PREX1: variants seen among roughly 807,000 people sequenced by gnomAD.
The protein encoded by PREX1 is phosphatidylinositol-3,4,5-trisphosphate dependent Rac exchange factor 1.
Under a neutral mutation model 198.3 loss-of-function variants are expected in PREX1, and 41 were observed. The ratio of observed to expected loss-of-function variants is 0.21; its 90% confidence interval spans 0.16 to 0.27. PREX1 has a LOEUF of 0.27. Among genes scored for constraint, PREX1 ranks in the 10% least tolerant of loss-of-function variants. The pLI, the probability that PREX1 is intolerant of heterozygous loss-of-function variation, is 1.00. For synonymous variants in PREX1, 843 were observed against 887.2 expected (o/e 0.95, Z 0.89); for missense variants, 1,620 against 2,200.7 (o/e 0.74, Z 5.28).
At chr20:48,841,673 A>G in the PREX1 span, among the ~76,000 whole-genome samples, 1 of 152,286 alleles carries the variant, frequency 6.6e-6, no homozygotes, top group East Asian at 1.9e-4. Flanking sequence ...TCAATGAACA[A>G]CCCAGGCAGA....
At chr20:48,769,521 G>C (rs182562037) in intron 1 of PREX1, among the ~76,000 whole-genome samples, 2 of 152,280 alleles carry the variant, frequency 1.3e-5, no homozygotes, top group Admixed American at 1.3e-4. Flanking sequence ...TCCAACAGAG[G>C]CTGCGCTATC....
At chr20:48,788,933 C>G (rs2090325198) in intron 1 of PREX1, among the ~76,000 whole-genome samples, 1 of 152,182 alleles carries the variant, frequency 6.6e-6, no homozygotes, top group Non-Finnish European at 1.5e-5. Context: ...TGCCTCGAGT[C>G]TCTTTAGAAC....
At chr20:48,751,750 C>T (rs1375339504) in intron 1 of PREX1, among the ~76,000 whole-genome samples, 7 of 152,222 alleles carry the variant, frequency 4.6e-5, no homozygotes, top group Non-Finnish European at 7.3e-5. Flanking sequence ...CTGAGAAACT[C>T]CTCCAGCCTC....
At chr20:48,807,296 C>A (rs141048228) in intron 1 of PREX1, among the ~76,000 whole-genome samples, 2 of 152,148 alleles carry the variant, frequency 1.3e-5, no homozygotes, top group African/African-American at 4.8e-5. Context: ...ATTGAGAGAG[C>A]CTTTTTTGTG....
the PREX1 span, among the ~76,000 whole-genome samples, chr20:48,878,126 A>C: frequency 6.6e-6 from 1 of 151,942 alleles, no homozygotes; most frequent in Non-Finnish European, 1.5e-5. Context: ...AAAAAAGCCC[A>C]AGTTCTTACA....
At chr20:48,770,704 C>A (rs1284451885) in intron 1 of PREX1, among the ~76,000 whole-genome samples, 2 of 151,162 alleles carry the variant, frequency 1.3e-5, no homozygotes, top group Non-Finnish European at 3.0e-5. Context: ...AGTGAATCTC[C>A]ATCTCAAAAA....
intron 5 of PREX1, among the ~76,000 whole-genome samples, chr20:48,719,170 G>C (rs937404346): frequency 2.0e-5 from 3 of 152,182 alleles, no homozygotes; most frequent in African/African-American, 7.2e-5. Context: ...TTGGACTTCC[G>C]AATTCACTCT....
chr20:48,709,718 GA>G (rs1378843488), intron 5 of PREX1, among the ~76,000 whole-genome samples: 1 of 152,134 alleles, frequency 6.6e-6, no homozygotes, highest in African/African-American at 2.4e-5. Context: ...GGTACTGTAG[GA>G]AAAGCACCAA....
chr20:48,714,743 T>C (rs1488761784), intron 5 of PREX1, among the ~76,000 whole-genome samples: 1 of 152,246 alleles, frequency 6.6e-6, no homozygotes, highest in Non-Finnish European at 1.5e-5. Flanking sequence ...TGAAGCCATC[T>C]ATCCATGGCT....
the PREX1 span, among the ~76,000 whole-genome samples, chr20:48,888,103 T>C: frequency 6.6e-6 from 1 of 152,186 alleles, no homozygotes; most frequent in Non-Finnish European, 1.5e-5. Context: ...GACTTACAGT[T>C]CCACATGTCT....
intron 11 of PREX1, among the ~76,000 whole-genome samples, chr20:48,680,808 T>C (rs1413104672): frequency 6.6e-6 from 1 of 152,220 alleles, no homozygotes; most frequent in African/African-American, 2.4e-5. Context: ...CATGTTTTAC[T>C]ATCTTGCTTT....
chr20:48,760,048 G>T (rs957126089), intron 1 of PREX1, among the ~76,000 whole-genome samples: 9 of 151,808 alleles, frequency 5.9e-5, no homozygotes, highest in African/African-American at 2.2e-4. Context: ...GGAGGCAGAG[G>T]TTGCAGTGAG....
chr20:48,884,995 C>G, the PREX1 span, among the ~76,000 whole-genome samples: 1 of 152,154 alleles, frequency 6.6e-6, no homozygotes, highest in African/African-American at 2.4e-5. Flanking sequence ...GTGTTGGACC[C>G]CCAGGTCCAT....
chr20:48,637,935 CT>C (rs2089378024), intron 30 of PREX1, among the ~76,000 whole-genome samples, 183 bp from the exon 31 acceptor site: 1 of 152,202 alleles, frequency 6.6e-6, no homozygotes, highest in Non-Finnish European at 1.5e-5. Context: ...CCAGGAACCC[CT>C]GACCTCAGGC....
the PREX1 span, among the ~76,000 whole-genome samples, chr20:48,876,139 A>C: frequency 9.2e-5 from 14 of 152,038 alleles, no homozygotes; most frequent in African/African-American, 3.4e-4. Flanking sequence ...ACTTTTGGGG[A>C]GGCCAAGGTG....
chr20:48,696,271 G>T lies in PREX1; in HGVS notation c.918-3481C>A, dbSNP rs915348727. On this transcript the variant is annotated intron_variant, in intron 7 of 39. Coordinates refer to ENST00000371941, the MANE Select transcript of PREX1 (RefSeq NM_020820.4). ...TATAATCCAGCTGAAGTTGATTTTT[G>T]TGTTTGGTATGAGATAAGGGTCAAG... Among the ~76,000 whole-genome samples, 5 of 152,220 alleles carry T rather than the reference G, an allele frequency of 3.3e-5. No homozygotes were observed. In the East Asian group the frequency reaches 9.6e-4, roughly 29 times the overall value.
chr20:48,785,643 A>G (rs2122940358), intron 1 of PREX1, among the ~76,000 whole-genome samples: 1 of 152,278 alleles, frequency 6.6e-6, no homozygotes, highest in Non-Finnish European at 1.5e-5. Context: ...CACCCTACAG[A>G]AGTACCTGTC....
intron 7 of PREX1, among the ~76,000 whole-genome samples, chr20:48,693,813 T>C (rs2089831933): frequency 6.6e-6 from 1 of 151,800 alleles, no homozygotes; most frequent in African/African-American, 2.4e-5. Context: ...TTTCACTGTG[T>C]TAGCCAGGAT....
In PREX1 at chr20:48,650,977, C is replaced by T. The variant is rs373200161; in HGVS notation, c.2734G>A (p.Val912Met). ...RRLMALSSAI[V>M]TMPHFEFRNI... ...CGGAACTCAAAGTGGGGCATGGTCA[C>T]GATGGCGCTGCTCAGGGCCATGAGC... The change falls in exon 23 of 40, where the codon GTG becomes ATG. Residue 912 changes from valine to methionine, a missense_variant. Around this residue, in one of 7 missense-constraint regions of PREX1, gnomAD observed 514 missense variants for 611.6 expected, o/e 0.84. Coordinates refer to ENST00000371941, the MANE Select transcript of PREX1 (RefSeq NM_020820.4). The T allele has an allele frequency of 4.0e-5, 65 of 1,614,202 alleles. No homozygotes were observed. In the South Asian group the frequency reaches 4.6e-4, roughly 11 times the overall value.
Sources: gnomAD v4.1 joint callset for allele counts (sites outside exome capture counted in the v4.1 genomes callset) on GRCh38, gnomAD v4.1.1 for gene constraint, gnomAD v4.1.1 regional missense constraint, MANE v1.5 for transcripts, NCBI Gene and HGNC (gene_info 2026-07-23, HGNC 2026-07-21) for gene names.